The following DIP2B variants were observed in gnomAD, a reference collection of about 807,000 sequenced individuals.
The protein encoded by DIP2B is DIP2 acetate--CoA ligase B (putative).
In DIP2B, 76 loss-of-function variants were observed where a neutral mutation model predicts 198.0. The observed-to-expected ratio is 0.38, with a 90% CI of 0.32 to 0.46. The LOEUF (loss-of-function observed/expected upper bound fraction) is 0.46, where lower values mean the gene tolerates loss of function less well. Among genes scored for constraint, DIP2B ranks in the 20% least tolerant of loss-of-function variants. The pLI is 0.99. For synonymous variants in DIP2B, 701 were observed against 739.1 expected (o/e 0.95, Z 0.84); for missense variants, 1,559 against 1,978.4 (o/e 0.79, Z 4.02).
intron 3 of DIP2B, among the ~76,000 whole-genome samples, chr12:50,642,261 G>C (rs1412365572): frequency 6.6e-6 from 1 of 152,168 alleles, no homozygotes; most frequent in Non-Finnish European, 1.5e-5. Flanking sequence ...ATAGTGTTCA[G>C]AACTTAGAAT....
chr12:50,675,073 G>T (rs1246243987), intron 6 of DIP2B, among the ~76,000 whole-genome samples: 7 of 152,140 alleles, frequency 4.6e-5, no homozygotes, highest in African/African-American at 1.7e-4. Context: ...TGGGGTGACA[G>T]AGCGAGACTC....
At chr12:50,594,857 C>T (rs1364334832) in intron 1 of DIP2B, among the ~76,000 whole-genome samples, 2 of 152,118 alleles carry the variant, frequency 1.3e-5, no homozygotes, top group African/African-American at 4.8e-5. Flanking sequence ...TTTTATTTCA[C>T]ATTACTAGTT....
chr12:50,614,419 T>C (rs140551805), intron 1 of DIP2B, among the ~76,000 whole-genome samples: 2 of 70,902 alleles, frequency 2.8e-5, no homozygotes, highest in East Asian at 3.3e-4. Context: ...CTGGGTGATA[T>C]CATTCACACC....
At chr12:50,687,309 C>T (rs1170955419) in intron 12 of DIP2B, among the ~76,000 whole-genome samples, 1 of 152,114 alleles carries the variant, frequency 6.6e-6, no homozygotes, top group East Asian at 1.9e-4. Flanking sequence ...AAAGAATTTC[C>T]GTAGCTGAGC....
chr12:50,549,539 A>G (rs974538678), intron 1 of DIP2B, among the ~76,000 whole-genome samples: 10 of 150,642 alleles, frequency 6.6e-5, no homozygotes, highest in African/African-American at 1.7e-4. Context: ...CAAAAAAAAT[A>G]ATAATAAAAA....
chr12:50,739,351 G>A lies in DIP2B; in HGVS notation c.4177-58G>A, dbSNP rs1000757981. On this transcript the variant is annotated intron_variant, in intron 35 of 37. Transcript: ENST00000301180. ...AAAAAATCAAAATAACCTGATCCAA[G>A]AGAATTAATACAGTTGTGTGTCCCC... 9.7e-6 allele frequency: 15 copies of A among 1,539,652 alleles called. No homozygotes were observed. The African/African-American group carries it at 2.1e-4, about 21-fold the overall frequency.
At chr12:50,552,488 G>A (rs910622131) in intron 1 of DIP2B, among the ~76,000 whole-genome samples, 3 of 151,928 alleles carry the variant, frequency 2.0e-5, no homozygotes, top group South Asian at 2.1e-4. Context: ...GGATGGTCTC[G>A]ATCTCCTGAC....
At chr12:50,726,949 CA>C (rs58891579) in intron 28 of DIP2B, among the ~76,000 whole-genome samples, 8 of 151,926 alleles carry the variant, frequency 5.3e-5, no homozygotes, top group African/African-American at 1.7e-4. Flanking sequence ...CTCACCTCTA[CA>C]AAAAAAATTT....
intron 1 of DIP2B, among the ~76,000 whole-genome samples, chr12:50,548,975 A>G (rs1208153370): frequency 6.6e-6 from 1 of 152,206 alleles, no homozygotes; most frequent in African/African-American, 2.4e-5. Flanking sequence ...GGTTTCCTTC[A>G]CACAGGTTAC....
intron 1 of DIP2B, among the ~76,000 whole-genome samples, chr12:50,509,513 A>G (rs776042759): frequency 3.3e-5 from 5 of 152,216 alleles, no homozygotes; most frequent in Non-Finnish European, 5.9e-5. Flanking sequence ...TCTGAGTACA[A>G]ACAGTAAACA....
intron 31 of DIP2B, among the ~76,000 whole-genome samples, chr12:50,731,828 C>T (rs1369022326): frequency 6.6e-6 from 1 of 152,114 alleles, no homozygotes; most frequent in Non-Finnish European, 1.5e-5. Flanking sequence ...CTGTGGCTTC[C>T]AATACTTTTT....
At chr12:50,597,336 T>C (rs929541929) in intron 1 of DIP2B, among the ~76,000 whole-genome samples, 1 of 152,248 alleles carries the variant, frequency 6.6e-6, no homozygotes, top group Non-Finnish European at 1.5e-5. Context: ...GCATCTTATA[T>C]TGAAATCTTT....
At chr12:50,590,121 G>C (rs1463615911) in intron 1 of DIP2B, among the ~76,000 whole-genome samples, 1 of 151,636 alleles carries the variant, frequency 6.6e-6, no homozygotes, top group Non-Finnish European at 1.5e-5. Flanking sequence ...TCAGCTTCCT[G>C]AGTAGAAGCT....
chr12:50,671,338 C>G lies in DIP2B; in HGVS notation c.580C>G (p.His194Asp). The change falls in exon 5 of 38, where the codon CAC becomes GAC. Residue 194 changes from histidine (H) to aspartate (D), a missense_variant. Transcript: ENST00000301180. ...TSSSASSTLS[H>D]GEVKGTSGSL... ...TTCATCCGCATCTTCTACGCTGTCC[C>G]ACGGAGAGGTCAAAGGAACCAGTGG... is the stretch of plus-strand genomic sequence containing the variant. 3.7e-6 allele frequency: 6 copies of G among 1,614,106 alleles called. No homozygotes were observed. The highest frequency in any genetic ancestry group is 5.1e-6 in the Non-Finnish European group (6 of 1,180,024).
At chr12:50,712,281 G>A (rs1228631666) in intron 22 of DIP2B, among the ~76,000 whole-genome samples, 1 of 152,034 alleles carries the variant, frequency 6.6e-6, no homozygotes, top group Non-Finnish European at 1.5e-5. Flanking sequence ...TGGGTAATAC[G>A]GTAGAAACCT....
At position 50,698,475 on chromosome 12, in the gene DIP2B, G is replaced by A. The variant is rs774627900; in HGVS notation, c.2188+8G>A. The A allele has an allele frequency of 5.6e-6, 9 of 1,604,936 alleles. No homozygotes were observed. Among genetic ancestry groups the A allele is most frequent in the East Asian group, 2.2e-5 (1 of 44,792 alleles). ...GGCATGTAATGCCTGGTGGTGAGTC[G>A]CAAGGAGCATCATTTGGTTTTTCAT... On this transcript the variant is annotated splice_region_variant and intron_variant, in intron 18 of 37. Coordinates refer to ENST00000301180, the MANE Select transcript of DIP2B (RefSeq NM_173602.3).
chr12:50,576,871 AT>A (rs1228721586), intron 1 of DIP2B, among the ~76,000 whole-genome samples: 2 of 144,312 alleles, frequency 1.4e-5, no homozygotes, highest in East Asian at 2.1e-4. Flanking sequence ...TGTTATTATT[AT>A]TTTTTTTTGA....
At chr12:50,550,188 C>T (rs1416180491) in intron 1 of DIP2B, among the ~76,000 whole-genome samples, 2 of 152,078 alleles carry the variant, frequency 1.3e-5, no homozygotes, top group East Asian at 1.9e-4. Context: ...TAATGGATAA[C>T]GTTAAGTTTT....
chr12:50,689,256 G>A lies in DIP2B; in HGVS notation c.1552-1793G>A, dbSNP rs1039865954. On this transcript the variant is annotated intron_variant, in intron 12 of 37. Transcript: ENST00000301180. The stretch of plus-strand genomic sequence containing the variant: ...CTACAAAAAATAACAAAAATTAACC[G>A]GGTGTGGTGGCACATGCCTGTAGTC... 9.9e-5 allele frequency among the ~76,000 whole-genome samples: 15 copies of A among 152,030 alleles called. No homozygotes were observed. In the Middle Eastern group the frequency reaches 0.014, roughly 139 times the overall value.
Sources: allele counts gnomAD v4.1 joint callset (sites outside exome capture counted in the v4.1 genomes callset), GRCh38; gene constraint gnomAD v4.1.1; transcripts MANE v1.5; gene names NCBI Gene and HGNC (gene_info 2026-07-23, HGNC 2026-07-21).